The following SGCD variants were observed in gnomAD, a reference collection of about 807,000 sequenced individuals.
SGCD encodes delta-sarcoglycan.
In SGCD, 18 loss-of-function variants were observed where a neutral mutation model predicts 36.6. The observed-to-expected ratio is 0.49, with a 90% CI of 0.34 to 0.73. The LOEUF (loss-of-function observed/expected upper bound fraction) is 0.73. Ranked by LOEUF, SGCD falls within the 30% of genes least tolerant of loss-of-function variation. SGCD has a pLI of 0.01. For synonymous variants in SGCD, 133 were observed against 130.6 expected (o/e 1.02, Z -0.12); for missense variants, 387 against 346.7 (o/e 1.12, Z -0.92).
intron 3 of SGCD, among the ~76,000 whole-genome samples, chr5:156,428,131 T>G (rs776555486): frequency 6.6e-6 from 1 of 152,198 alleles, no homozygotes; most frequent in Admixed American, 6.5e-5. Context: ...TTTTTTAATG[T>G]CTGGTAGAAT....
chr5:156,512,324 A>G (rs1039369270), intron 4 of SGCD, among the ~76,000 whole-genome samples: 1 of 152,204 alleles, frequency 6.6e-6, no homozygotes, highest in Non-Finnish European at 1.5e-5. Context: ...TAAGATTATA[A>G]CACCATATGT....
chr5:156,635,991 A>G (rs1165416140), intron 6 of SGCD, among the ~76,000 whole-genome samples: 2 of 152,064 alleles, frequency 1.3e-5, no homozygotes, highest in African/African-American at 4.8e-5. Context: ...CATATGTAAC[A>G]AACCTGCCGG....
intron 3 of SGCD, among the ~76,000 whole-genome samples, chr5:156,313,657 G>A (rs1302779329): frequency 6.6e-6 from 1 of 152,072 alleles, no homozygotes. Flanking sequence ...AAAGCTATCT[G>A]AGTCTTAATA....
chr5:156,416,127 C>A (rs183348704), intron 3 of SGCD, among the ~76,000 whole-genome samples: 2 of 152,268 alleles, frequency 1.3e-5, no homozygotes, highest in Admixed American at 1.3e-4. Flanking sequence ...AGGAAATGCC[C>A]ATCAATCAAG....
intron 6 of SGCD, among the ~76,000 whole-genome samples, chr5:156,630,280 G>A (rs1394897993): frequency 1.3e-5 from 2 of 152,180 alleles, no homozygotes; most frequent in African/African-American, 4.8e-5. Flanking sequence ...TAAATCTTCA[G>A]CATCTCTTAT....
intron 3 of SGCD, among the ~76,000 whole-genome samples, chr5:156,165,070 T>A (rs1477508911): frequency 2.0e-5 from 3 of 152,244 alleles, no homozygotes; most frequent in African/African-American, 4.8e-5. Context: ...ATGTGTATTT[T>A]GTTTAATTCA....
At chr5:156,643,487 T>C (rs1456376767) in intron 6 of SGCD, among the ~76,000 whole-genome samples, 1 of 152,056 alleles carries the variant, frequency 6.6e-6, no homozygotes, top group East Asian at 1.9e-4. Context: ...ACTGTGCTCC[T>C]CTTCTGGTAC....
the SGCD span, among the ~76,000 whole-genome samples, chr5:155,741,904 C>T: frequency 1.3e-5 from 2 of 151,932 alleles, no homozygotes; most frequent in Non-Finnish European, 2.9e-5. Context: ...AGGCTGGTGT[C>T]GAACTCCTAG....
intron 7 of SGCD, among the ~76,000 whole-genome samples, chr5:156,655,445 C>T (rs182638660): frequency 6.6e-6 from 1 of 152,054 alleles, no homozygotes; most frequent in East Asian, 1.9e-4. Context: ...TGGTTCATTG[C>T]CTTTTTTTGG....
chr5:156,480,868 T>C lies in SGCD; in HGVS notation c.193-27733T>C, dbSNP rs147401210. Among the ~76,000 whole-genome samples the C allele has an allele frequency of 2.2e-3, 330 of 152,312 alleles. 2 individuals are homozygous for C. Among genetic ancestry groups the C allele is most frequent in the Middle Eastern group, 6.8e-3 (2 of 294 alleles). On this transcript the variant is annotated intron_variant, in intron 3 of 8. Coordinates refer to ENST00000337851, the MANE Select transcript of SGCD (RefSeq NM_000337.6). ...TGTCCATTAGGCATTAACACTCTTA[T>C]TGCCTTCAAAGGCCACAACTACAGA...
At chr5:155,958,523 A>G (rs940767842) in intron 1 of SGCD, among the ~76,000 whole-genome samples, 2 of 152,120 alleles carry the variant, frequency 1.3e-5, no homozygotes, top group Non-Finnish European at 2.9e-5. Context: ...TTTGTGTTCC[A>G]TGAGGAGTGA....
intron 7 of SGCD, among the ~76,000 whole-genome samples, chr5:156,746,898 C>T (rs1016681949): frequency 1.3e-5 from 2 of 148,976 alleles, no homozygotes; most frequent in African/African-American, 5.2e-5. Flanking sequence ...TTAAGCTACT[C>T]ATTAAGAGAC....
At chr5:155,908,761 C>T (rs946160700) in intron 1 of SGCD, among the ~76,000 whole-genome samples, 15 of 152,024 alleles carry the variant, frequency 9.9e-5, no homozygotes, top group Non-Finnish European at 2.2e-4. Context: ...GGTTCTCTTT[C>T]GGGCTGGGGA....
At chr5:156,079,957 A>G (rs1260964586) in intron 1 of SGCD, among the ~76,000 whole-genome samples, 2 of 152,200 alleles carry the variant, frequency 1.3e-5, no homozygotes, top group Non-Finnish European at 2.9e-5. Flanking sequence ...CTGCCCTAGT[A>G]GAGGATTTCT....
In SGCD at chr5:155,894,180, T is replaced by C. The variant is rs531609452; in HGVS notation, c.-282+23756T>C. Among the ~76,000 whole-genome samples, 14 of 152,304 alleles carry C rather than the reference T, an allele frequency of 9.2e-5. No homozygotes were observed. In the South Asian group the frequency reaches 2.7e-3, roughly 29 times the overall value. On this transcript the variant is annotated intron_variant, in intron 1 of 9. Transcript: ENST00000517913. ...GCCACACTAAGTTTATTAAAAACAT[T>C]TATTTCTTCAGTAAGAAATTAACCT...
At chr5:155,928,666 C>CAAAAAA (rs58548934) in intron 1 of SGCD, among the ~76,000 whole-genome samples, 3 of 68,192 alleles carry the variant, frequency 4.4e-5, no homozygotes, top group Non-Finnish European at 5.1e-5. Context: ...GACTCTGTCT[C>CAAAAAA]AAAAAAAAAA....
At chr5:156,188,665 A>ACC (rs749449803) in intron 3 of SGCD, among the ~76,000 whole-genome samples, 169 of 118,514 alleles carry the variant, frequency 1.4e-3, no homozygotes, top group African/African-American at 5.2e-3. Context: ...GACCACCCCA[A>ACC]CCGCCCCCCC....
At chr5:156,292,735 A>G (rs1031310549) in intron 3 of SGCD, among the ~76,000 whole-genome samples, 6 of 152,214 alleles carry the variant, frequency 3.9e-5, no homozygotes, top group Admixed American at 6.5e-5. Flanking sequence ...ATACAATTCC[A>G]GTTTCTACAC....
intron 3 of SGCD, among the ~76,000 whole-genome samples, chr5:156,313,429 G>T (rs184590689): frequency 1.3e-5 from 2 of 152,074 alleles, no homozygotes; most frequent in African/African-American, 4.8e-5. Flanking sequence ...TTTTGTGTGT[G>T]TGAGGTAAAG....
Sources: allele counts gnomAD v4.1 joint callset (sites outside exome capture counted in the v4.1 genomes callset), GRCh38; gene constraint gnomAD v4.1.1; transcripts MANE v1.5; gene names NCBI Gene and HGNC (gene_info 2026-07-23, HGNC 2026-07-21).